Variants in STOX2 observed in about 807,000 individuals in gnomAD.
The protein encoded by STOX2 is storkhead box 2, also known as storkhead-box protein 2.
In STOX2, 28 loss-of-function variants were observed where a neutral mutation model predicts 60.9. The observed-to-expected ratio is 0.46, with a 90% confidence interval of 0.34 to 0.63. STOX2 has a LOEUF of 0.63. Ranked by LOEUF, STOX2 falls within the 30% of genes least tolerant of loss-of-function variation. STOX2 has a pLI of 0.01. For synonymous variants in STOX2, 472 were observed against 463.9 expected (o/e 1.02, Z -0.22); for missense variants, 1,024 against 1,187.7 (o/e 0.86, Z 2.03).
intron 1 of STOX2, among the ~76,000 whole-genome samples, chr4:183,829,315 G>A (rs1343226453): frequency 6.6e-6 from 1 of 152,162 alleles, no homozygotes; most frequent in South Asian, 2.1e-4. Flanking sequence ...TAAGACTGGT[G>A]GGATTGTGAG....
Position 183,865,147 on chromosome 4 carries a change from GTC to G in STOX2, c.364+67096_364+67097del, listed in dbSNP as rs1740534996. 6.6e-6 allele frequency among the ~76,000 whole-genome samples: 1 copy of G among 152,194 alleles called. No homozygotes were observed. The highest frequency in any genetic ancestry group is 1.5e-5 in the Non-Finnish European group (1 of 68,026). On this transcript the variant is annotated intron_variant, in intron 1 of 2. Transcript: ENST00000513034. The surrounding 1 kb of genome is among the most constrained non-coding windows in gnomAD (Gnocchi z 4.1). Reference sequence around the variant, plus strand: ...GCCTATGGTTTATCACATATGTACTGTCTCTGCTACTTGAGGCTCACACCTGT... The same window carrying G: ...GCCTATGGTTTATCACATATGTACTGTCTGCTACTTGAGGCTCACACCTGT...
intron 1 of STOX2, chr4:183,853,909 T>A (rs1180794889): frequency 1.3e-5 from 2 of 152,230 alleles, no homozygotes; most frequent in Non-Finnish European, 2.9e-5. Context: ...TCTGAATTTT[T>A]AAACACAATG....
At chr4:183,951,243 G>A (rs972608034) in intron 1 of STOX2, among the ~76,000 whole-genome samples, 2 of 148,020 alleles carry the variant, frequency 1.4e-5, no homozygotes, top group Non-Finnish European at 3.0e-5. Context: ...AAAAAAGACA[G>A]TAGTGCAAAG....
chr4:184,010,649 A>C lies in STOX2; in HGVS notation c.1811A>C (p.Asn604Thr), dbSNP rs889402219. Residue 604 changes from asparagine (N) to threonine (T), a missense_variant, in exon 3 of 4, where the codon AAC (asparagine) becomes ACC (threonine). Around this residue, in one of 3 missense-constraint regions of STOX2, gnomAD observed 922 missense variants for 1,058.3 expected, o/e 0.87. Transcript: ENST00000308497. The surrounding 1 kb of genome is among the most constrained non-coding windows in gnomAD (Gnocchi z 4.5). ...GCCACAGATGACTATTTCCAGTGCA[A>C]CACCTCTAGTGAGACGGTGCTCACG... is the stretch of plus-strand genomic sequence containing the variant. ...KTATDDYFQC[N>T]TSSETVLTAP... 12 of 1,614,036 alleles carry C rather than the reference A, an allele frequency of 7.4e-6. No individual in the cohort carries two copies. The highest frequency in any genetic ancestry group is 1.7e-5 in the Admixed American group (1 of 60,032).
intron 1 of STOX2, among the ~76,000 whole-genome samples, chr4:183,971,846 A>G (rs914888920): frequency 6.6e-6 from 1 of 152,228 alleles, no homozygotes; most frequent in Non-Finnish European, 1.5e-5. Context: ...TCCGAGCAAG[A>G]GGGAGCGTGT....
At chr4:183,957,705 C>T (rs528039784) in intron 1 of STOX2, among the ~76,000 whole-genome samples, 4 of 152,338 alleles carry the variant, frequency 2.6e-5, no homozygotes, top group African/African-American at 7.2e-5. Context: ...TTTTCTGACA[C>T]TAAATGATGT....
intron 1 of STOX2, among the ~76,000 whole-genome samples, chr4:183,968,622 G>A (rs1015847310): frequency 1.3e-5 from 2 of 152,184 alleles, no homozygotes; most frequent in Admixed American, 6.5e-5. Flanking sequence ...TGCCACCTTC[G>A]CTGCTACAAA....
In STOX2 at chr4:183,924,370, C is replaced by G. The variant is rs185787247; in HGVS notation, c.166+17414C>G. 4.6e-5 allele frequency among the ~76,000 whole-genome samples: 7 copies of G among 152,216 alleles called. No homozygotes were observed. In the East Asian group the frequency reaches 1.2e-3, roughly 25 times the overall value. ...GGCTGGACCCCCACAGAGACTAGGA[C>G]ATGGGAAAGGACTTCTGAGGAGGCA... On this transcript the variant is annotated intron_variant, in intron 1 of 3. Coordinates refer to ENST00000308497, the MANE Select transcript of STOX2 (RefSeq NM_020225.3).
chr4:183,985,064 A>G (rs1003652790), intron 1 of STOX2, among the ~76,000 whole-genome samples: 1 of 152,048 alleles, frequency 6.6e-6, no homozygotes, highest in Non-Finnish European at 1.5e-5. Flanking sequence ...ATTCTTTTCC[A>G]TGGTCCTTCA....
In STOX2 at chr4:184,018,437, A is replaced by G. The variant is rs1284194936; in HGVS notation, c.*1153A>G. 1 of 147,488 alleles carries G rather than the reference A, an allele frequency of 6.8e-6. No homozygotes were observed. The highest frequency in any genetic ancestry group is 1.5e-5 in the Non-Finnish European group (1 of 65,964). The allele number at this position is 147,488 out of a possible 1,614,324, so 9.1% of individuals were successfully genotyped here. On this transcript the variant is annotated 3_prime_UTR_variant, in exon 4 of 4. Coordinates refer to ENST00000308497, the MANE Select transcript of STOX2 (RefSeq NM_020225.3). ...GATATGTATAGAGAAAACTTTTAAA[A>G]TAATTTTTGATTAGAAATATACATG... is the stretch of plus-strand genomic sequence containing the variant.
intron 1 of STOX2, among the ~76,000 whole-genome samples, chr4:183,908,592 G>GTTT (rs10671305): frequency 0.15 from 19,422 of 126,404 alleles, 1,814 homozygotes; most frequent in East Asian, 0.37. Flanking sequence ...CAGGCAGCCA[G>GTTT]TTTTTTTTTT....
At chr4:183,973,488 A>G (rs1743801161) in intron 1 of STOX2, among the ~76,000 whole-genome samples, 1 of 152,228 alleles carries the variant, frequency 6.6e-6, no homozygotes, top group Non-Finnish European at 1.5e-5. Context: ...ACTATTTTTA[A>G]AATAACCAGG....
At position 184,001,307 on chromosome 4, in the gene STOX2, A is replaced by G; in HGVS notation, c.167-18A>G. ...GGTCTTTTAATGAACCACTCACTTG[A>G]AAATTGTCTTTCTGCAGGTGATGTA... On this transcript the variant is annotated intron_variant, in intron 1 of 3. Transcript: ENST00000308497. The surrounding 1 kb of genome is among the most constrained non-coding windows in gnomAD (Gnocchi z 4.2). 1 of 1,612,644 alleles carries G rather than the reference A, an allele frequency of 6.2e-7. No individual in the cohort carries two copies. Among genetic ancestry groups the G allele is most frequent in the Non-Finnish European group, 8.5e-7 (1 of 1,178,826 alleles).
At chr4:183,883,442 C>G (rs990246886) in intron 1 of STOX2, among the ~76,000 whole-genome samples, 5 of 151,776 alleles carry the variant, frequency 3.3e-5, no homozygotes, top group African/African-American at 1.2e-4. Context: ...GCCACGGCCT[C>G]CCGAGTAGCT....
intron 1 of STOX2, chr4:183,853,363 A>G (rs1740212788): frequency 6.6e-6 from 1 of 152,216 alleles, no homozygotes; most frequent in Non-Finnish European, 1.5e-5. Context: ...CTTCTGCCCA[A>G]GTGTTATCTT....
chr4:183,918,508 G>A (rs146025835), intron 1 of STOX2, among the ~76,000 whole-genome samples: 8 of 152,342 alleles, frequency 5.3e-5, no homozygotes, highest in East Asian at 3.9e-4. Context: ...GTTCAGCTGC[G>A]TGTTTATGTG....
intron 1 of STOX2, among the ~76,000 whole-genome samples, chr4:183,934,935 A>AGGTTGC (rs1742545052): frequency 6.6e-6 from 1 of 152,250 alleles, no homozygotes; most frequent in Non-Finnish European, 1.5e-5. Context: ...CTGACTCCTC[A>AGGTTGC]GGTTGCATGG....
At chr4:183,893,781 A>G (rs1182515162) in intron 1 of STOX2, among the ~76,000 whole-genome samples, 1 of 152,132 alleles carries the variant, frequency 6.6e-6, no homozygotes, top group Admixed American at 6.5e-5. Context: ...ACAAAAAACT[A>G]GCCTCCTTTC....
At chr4:183,799,627 G>A (rs544575692) in intron 1 of STOX2, among the ~76,000 whole-genome samples, 9 of 151,360 alleles carry the variant, frequency 5.9e-5, no homozygotes, top group Non-Finnish European at 1.2e-4. Context: ...GGCATGGCCG[G>A]TCTTACTGCA....
Sources: gnomAD v4.1 joint callset for allele counts (sites outside exome capture counted in the v4.1 genomes callset) on GRCh38, gnomAD v4.1.1 for gene constraint, gnomAD v4.1.1 regional missense constraint, Gnocchi (gnomAD v3.1) non-coding constraint, MANE v1.5 for transcripts, NCBI Gene and HGNC (gene_info 2026-07-23, HGNC 2026-07-21) for gene names.